Variants in ARHGAP8 observed in about 807,000 individuals in gnomAD.
ARHGAP8 encodes rho GTPase-activating protein 8.
Under a neutral mutation model 46.1 loss-of-function variants are expected in ARHGAP8, and 62 were observed. The observed-to-expected ratio is 1.34, with a 90% CI of 1.10 to 1.66. The LOEUF is 1.66. Ranked by LOEUF, ARHGAP8 falls within the 40% of genes most tolerant of loss-of-function variation. The probability of loss-of-function intolerance (pLI) is 0.00; values close to 1 mark genes in which losing one functional copy is unlikely to be tolerated. For missense variants in ARHGAP8, 923 were observed against 568.4 expected (o/e 1.62, Z -6.34); for synonymous variants, 375 against 243.1 (o/e 1.54, Z -5.05).
chr22:44,849,450 G>T, intron 10 of ARHGAP8: 1 of 252,158 alleles, frequency 4.0e-6, no homozygotes, highest in South Asian at 5.3e-5. Context: ...TTTCTCCCCA[G>T]ATCATTGTAG....
chr22:44,755,859 T>A (rs11090695), intron 1 of ARHGAP8, among the ~76,000 whole-genome samples: 33,519 of 152,072 alleles, frequency 0.22, 4,112 homozygotes, highest in South Asian at 0.45. Context: ...CCTGCCTTCC[T>A]CTCTCTTGAC....
chr22:44,788,423 A>G (rs764436871), intron 2 of ARHGAP8, among the ~76,000 whole-genome samples: 8 of 151,808 alleles, frequency 5.3e-5, no homozygotes, highest in Non-Finnish European at 8.8e-5. Context: ...CTGGACTTTA[A>G]TTTTATTTTT....
chr22:44,814,842 C>T (rs1255421134), intron 5 of ARHGAP8, 84 bp downstream of exon 5: 3 of 1,490,280 alleles, frequency 2.0e-6, no homozygotes, highest in South Asian at 2.4e-5. Flanking sequence ...CCTATCCACG[C>T]ATCATGGAGG....
intron 10 of ARHGAP8, chr22:44,850,542 C>A (rs982538242): frequency 6.6e-6 from 1 of 152,196 alleles, no homozygotes; most frequent in African/African-American, 2.4e-5. Context: ...ATGATGACTC[C>A]AGCCTCTGTA....
intron 7 of ARHGAP8, among the ~76,000 whole-genome samples, chr22:44,839,948 T>G (rs946023465): frequency 6.6e-6 from 1 of 152,144 alleles, no homozygotes; most frequent in Non-Finnish European, 1.5e-5. Flanking sequence ...GCTAGGATCA[T>G]CCAAGACATG....
At chr22:44,796,883 A>G (rs1928126402) in intron 2 of ARHGAP8, among the ~76,000 whole-genome samples, 1 of 152,218 alleles carries the variant, frequency 6.6e-6, no homozygotes, top group African/African-American at 2.4e-5. Flanking sequence ...AGCTTGTCAG[A>G]TGCGTGGGTG....
In ARHGAP8 at chr22:44,791,317, A is replaced by G. The variant is rs560330081; in HGVS notation, c.79+4711A>G. ...AGTCGACACTTGAGCCAGGGCCTCGATGCTGCAGACTTCCTTGGGAGATGA... is the reference window on the plus strand; with the variant it reads ...AGTCGACACTTGAGCCAGGGCCTCGGTGCTGCAGACTTCCTTGGGAGATGA... On this transcript the variant is annotated intron_variant, in intron 2 of 11. Coordinates refer to ENST00000356099, the MANE Select transcript of ARHGAP8 (RefSeq NM_181335.3). Among the ~76,000 whole-genome samples, 27 of 152,242 alleles carry G rather than the reference A, an allele frequency of 1.8e-4. No homozygotes were observed. The South Asian group carries it at 2.9e-3, about 16-fold the overall frequency.
chr22:44,808,648 TTTTC>T (rs775945260), intron 4 of ARHGAP8: 44 of 911,288 alleles, frequency 4.8e-5, no homozygotes, highest in Admixed American at 2.0e-4. Context: ...TCATTTTTTT[TTTTC>T]TTTCTTTCTT....
At chr22:44,822,615 A>G (rs1370518815) in intron 6 of ARHGAP8, 146 bp downstream of exon 6, 2 of 667,040 alleles carry the variant, frequency 3.0e-6, no homozygotes, top group East Asian at 3.4e-5. Context: ...ATCGACAAAG[A>G]TCCGCAGCAA....
At chr22:44,851,968 ATCACCTGAGG>A (rs1280386770) in intron 10 of ARHGAP8, among the ~76,000 whole-genome samples, 1 of 152,046 alleles carries the variant, frequency 6.6e-6, no homozygotes, top group African/African-American at 2.4e-5. Flanking sequence ...AGGTGGGTGG[ATCACCTGAGG>A]TCAGGAGTTT....
At chr22:44,787,941 C>T (rs11355405) in intron 2 of ARHGAP8, among the ~76,000 whole-genome samples, 34,808 of 78,896 alleles carry the variant, frequency 0.44, 4,653 homozygotes, top group African/African-American at 0.49. Flanking sequence ...TTTTTTTTTT[C>T]CCCCCAAATG....
At chr22:44,784,581 C>A (rs1356105430) in intron 1 of ARHGAP8, among the ~76,000 whole-genome samples, 3 of 152,078 alleles carry the variant, frequency 2.0e-5, no homozygotes, top group African/African-American at 7.2e-5. Context: ...TTTTGGTATC[C>A]CTGGGGGGTC....
chr22:44,787,132 C>A (rs1927316735), intron 2 of ARHGAP8, among the ~76,000 whole-genome samples: 2 of 152,048 alleles, frequency 1.3e-5, no homozygotes, highest in Admixed American at 6.6e-5. Flanking sequence ...AAAGCATTGC[C>A]CAGGTGCTCC....
Position 44,859,213 on chromosome 22 carries a change from G to A in ARHGAP8, c.878-518G>A, listed in dbSNP as rs569950619. ...TAGGGCTTGGATCTGAGTCCCCAGC[G>A]CGTCTCATGTTGAATTGAAACTTTG... is the stretch of plus-strand genomic sequence containing the variant. On this transcript the variant is annotated intron_variant, in intron 10 of 11. Coordinates refer to ENST00000356099, the MANE Select transcript of ARHGAP8 (RefSeq NM_181335.3). 1.7e-4 allele frequency among the ~76,000 whole-genome samples: 26 copies of A among 152,154 alleles called. No homozygotes were observed. In the East Asian group the frequency reaches 3.1e-3, roughly 18 times the overall value.
chr22:44,809,054 C>G (rs1417877339), intron 4 of ARHGAP8: 1 of 465,216 alleles, frequency 2.1e-6, no homozygotes, highest in African/African-American at 2.0e-5. Flanking sequence ...ACTCCAAGCT[C>G]AAGCGATCCT....
chr22:44,860,885 A>C (rs1040849279), intron 11 of ARHGAP8, among the ~76,000 whole-genome samples: 1 of 152,188 alleles, frequency 6.6e-6, no homozygotes, highest in Non-Finnish European at 1.5e-5. Flanking sequence ...GAGCCTGAGC[A>C]GAGTAGGCGT....
intron 7 of ARHGAP8, among the ~76,000 whole-genome samples, chr22:44,835,640 A>G (rs1931234295): frequency 6.6e-6 from 1 of 152,056 alleles, no homozygotes; most frequent in Non-Finnish European, 1.5e-5. Flanking sequence ...AGGATTGGGG[A>G]CTTGCAAACT....
chr22:44,841,484 G>A (rs1368910514), intron 7 of ARHGAP8, among the ~76,000 whole-genome samples: 1 of 152,124 alleles, frequency 6.6e-6, no homozygotes, highest in African/African-American at 2.4e-5. Context: ...GCTCCACGTG[G>A]CCAAATCCAA....
chr22:44,796,239 G>A (rs1226974972), intron 2 of ARHGAP8, among the ~76,000 whole-genome samples: 5 of 152,172 alleles, frequency 3.3e-5, no homozygotes, highest in Non-Finnish European at 4.4e-5. Context: ...ACTGCCCGCC[G>A]TCCCTGCTTC....
Sources: allele counts gnomAD v4.1 joint callset (sites outside exome capture counted in the v4.1 genomes callset), GRCh38; gene constraint gnomAD v4.1.1; transcripts MANE v1.5; gene names NCBI Gene and HGNC (gene_info 2026-07-23, HGNC 2026-07-21).